PINX1: variants seen among roughly 807,000 people sequenced by gnomAD.
PINX1 encodes PIN2 (TERF1) interacting telomerase inhibitor 1, also known as PIN2/TERF1-interacting telomerase inhibitor 1.
PINX1 carries 34 observed loss-of-function variants against 25.4 expected under a neutral mutation model. The ratio of observed to expected loss-of-function variants is 1.34; its 90% confidence interval spans 1.02 to 1.78. The LOEUF (loss-of-function observed/expected upper bound fraction) is 1.78, where lower values mean the gene tolerates loss of function less well. Ranked by LOEUF, PINX1 falls within the 40% of genes most tolerant of loss-of-function variation. PINX1 has a pLI of 0.00. For missense variants in PINX1, 592 were observed against 404.9 expected (o/e 1.46, Z -3.97); for synonymous variants, 197 against 147.7 (o/e 1.33, Z -2.42).
At chr8:10,813,856 C>G (rs1011634920) in intron 6 of PINX1, among the ~76,000 whole-genome samples, 1 of 132,232 alleles carries the variant, frequency 7.6e-6, no homozygotes, top group East Asian at 2.2e-4. Flanking sequence ...AATCCGGAAA[C>G]AAGCTGGAGA....
intron 6 of PINX1, chr8:10,771,114 C>A (rs1801207755): frequency 6.6e-6 from 1 of 152,238 alleles, no homozygotes; most frequent in Non-Finnish European, 1.5e-5. Flanking sequence ...AGTGGTTTGA[C>A]AGAACATTCT....
intron 6 of PINX1, among the ~76,000 whole-genome samples, chr8:10,793,494 C>G (rs1320511138): frequency 2.6e-5 from 4 of 152,142 alleles, no homozygotes; most frequent in Non-Finnish European, 5.9e-5. Context: ...ATTTAAAAGA[C>G]TTTACGAATT....
chr8:10,795,222 C>CCT (rs889724320), intron 6 of PINX1, among the ~76,000 whole-genome samples: 2 of 152,174 alleles, frequency 1.3e-5, no homozygotes, highest in African/African-American at 4.8e-5. Context: ...GATTATCAAA[C>CCT]CTCTGCCTCT....
At chr8:10,775,134 T>C (rs1055344007) in intron 6 of PINX1, among the ~76,000 whole-genome samples, 1 of 152,222 alleles carries the variant, frequency 6.6e-6, no homozygotes, top group Non-Finnish European at 1.5e-5. Context: ...TGCTATTAAA[T>C]ATATAATCCT....
At chr8:10,791,402 T>C (rs1801918187) in intron 6 of PINX1, among the ~76,000 whole-genome samples, 1 of 152,216 alleles carries the variant, frequency 6.6e-6, no homozygotes, top group Admixed American at 6.5e-5. Context: ...CTTGGGTCAC[T>C]GCAGGCACAG....
intron 1 of PINX1, among the ~76,000 whole-genome samples, chr8:10,837,408 G>C (rs1423424334): frequency 6.6e-6 from 1 of 152,200 alleles, no homozygotes; most frequent in Non-Finnish European, 1.5e-5. Context: ...TTTTCCTTTT[G>C]CCGGCTTTGC....
chr8:10,817,291 G>C (rs180683059), intron 6 of PINX1, among the ~76,000 whole-genome samples: 1 of 152,190 alleles, frequency 6.6e-6, no homozygotes, highest in Non-Finnish European at 1.5e-5. Context: ...ACGGAGCTAT[G>C]AGAGTCAAGC....
intron 6 of PINX1, among the ~76,000 whole-genome samples, chr8:10,781,700 G>C (rs1217421874): frequency 6.6e-6 from 1 of 152,188 alleles, no homozygotes. Context: ...GTGTTGGCAA[G>C]AGTGTGGAGA....
At chr8:10,814,100 T>C (rs912654157) in intron 6 of PINX1, among the ~76,000 whole-genome samples, 6 of 152,186 alleles carry the variant, frequency 3.9e-5, no homozygotes, top group Admixed American at 2.6e-4. Flanking sequence ...TCTCAATTCA[T>C]TATCTTCGAT....
intron 6 of PINX1, among the ~76,000 whole-genome samples, chr8:10,815,475 G>T (rs1797669768): frequency 6.6e-6 from 1 of 152,186 alleles, no homozygotes; most frequent in African/African-American, 2.4e-5. Flanking sequence ...TGCGCACAAA[G>T]AAAATTTACA....
chr8:10,810,565 A>G (rs1797471739), intron 6 of PINX1, among the ~76,000 whole-genome samples: 1 of 152,206 alleles, frequency 6.6e-6, no homozygotes, highest in African/African-American at 2.4e-5. Context: ...AACCCACTCC[A>G]TGCCAGGCAT....
intron 6 of PINX1, among the ~76,000 whole-genome samples, chr8:10,806,938 G>A (rs940413069): frequency 1.3e-5 from 2 of 152,154 alleles, no homozygotes; most frequent in African/African-American, 4.8e-5. Context: ...GGTTCCCTAA[G>A]GAAATGGCAA....
chr8:10,777,843 T>G (rs1255891123), intron 6 of PINX1, among the ~76,000 whole-genome samples: 1 of 152,176 alleles, frequency 6.6e-6, no homozygotes, highest in Non-Finnish European at 1.5e-5. Context: ...AGGATGGATC[T>G]GCTATCAGAT....
intron 6 of PINX1, among the ~76,000 whole-genome samples, chr8:10,789,142 G>T (rs575686110): frequency 2.0e-5 from 3 of 152,168 alleles, no homozygotes; most frequent in African/African-American, 7.2e-5. Flanking sequence ...ACAGAACATG[G>T]AGCAGGAATA....
At chr8:10,812,099 A>C (rs1195351117) in intron 6 of PINX1, among the ~76,000 whole-genome samples, 3 of 152,138 alleles carry the variant, frequency 2.0e-5, no homozygotes, top group Non-Finnish European at 4.4e-5. Context: ...CTTGACACTC[A>C]ACAGTTGCAG....
intron 6 of PINX1, among the ~76,000 whole-genome samples, chr8:10,793,064 A>C (rs1040489078): frequency 1.3e-5 from 2 of 152,092 alleles, no homozygotes; most frequent in African/African-American, 4.8e-5. Context: ...CCTCGCTAAC[A>C]TCTACTGAGT....
intron 6 of PINX1, among the ~76,000 whole-genome samples, chr8:10,777,450 C>G (rs751340563): frequency 6.6e-6 from 1 of 152,176 alleles, no homozygotes; most frequent in East Asian, 1.9e-4. Flanking sequence ...CGAGATAAGA[C>G]CAGAGATTCT....
intron 6 of PINX1, among the ~76,000 whole-genome samples, chr8:10,807,933 TCC>T (rs1802506963): frequency 6.6e-6 from 1 of 152,138 alleles, no homozygotes; most frequent in Non-Finnish European, 1.5e-5. Context: ...GGGAGACAGA[TCC>T]AGCTGACAGA....
In PINX1 at chr8:10,839,839, A is replaced by C; in HGVS notation, c.-83T>G. The C allele has an allele frequency of 7.5e-7, 1 of 1,341,010 alleles. No individual in the cohort carries two copies. Among genetic ancestry groups the C allele is most frequent in the East Asian group, 2.6e-5 (1 of 38,778 alleles). The allele number at this position is 1,341,010 out of a possible 1,614,324, so 83.1% of individuals were successfully genotyped here. On this transcript the variant is annotated 5_prime_UTR_variant, in exon 1 of 7. Coordinates refer to ENST00000314787, the MANE Select transcript of PINX1 (RefSeq NM_017884.6). ...GGCTGGAGACTCCAGGAGAATCAGG[A>C]CGTGCGTAACTCCCTCGCCGGCGGA... is the stretch of plus-strand genomic sequence containing the variant.
Sources: gnomAD v4.1 joint callset for allele counts (sites outside exome capture counted in the v4.1 genomes callset) on GRCh38, gnomAD v4.1.1 for gene constraint, MANE v1.5 for transcripts, NCBI Gene and HGNC (gene_info 2026-07-23, HGNC 2026-07-21) for gene names.